OSTF1: variants seen among roughly 807,000 people sequenced by gnomAD.
OSTF1 encodes osteoclast stimulating factor 1.
In OSTF1, 27 loss-of-function variants were observed where a neutral mutation model predicts 37.2. That is an observed-to-expected ratio of 0.73 (90% CI 0.54 to 1.00). The LOEUF (loss-of-function observed/expected upper bound fraction) is 1.00. Ranked by LOEUF, OSTF1 falls within the 50% of genes least tolerant of loss-of-function variation. The pLI, the probability that OSTF1 is intolerant of heterozygous loss-of-function variation, is 0.00. For missense variants in OSTF1, 232 were observed against 253.8 expected (o/e 0.91, Z 0.58); for synonymous variants, 82 against 89.2 (o/e 0.92, Z 0.46).
Position 75,144,310 on chromosome 9 carries a change from C to T in OSTF1, c.587-2373C>T, listed in dbSNP as rs143746683. On this transcript the variant is annotated intron_variant, in intron 9 of 9. Transcript: ENST00000346234. ...GCGGCTCACACCTGTAATCCCAGCA[C>T]TTTGGGAGGCAGGGAGGATTGCTTG... Among the ~76,000 whole-genome samples, 398 of 152,188 alleles carry T rather than the reference C, an allele frequency of 2.6e-3. 2 individuals carry two copies. Among genetic ancestry groups the T allele is most frequent in the African/African-American group, 9.2e-3 (381 of 41,520 alleles).
At chr9:75,103,687 G>A (rs1193730282) in intron 1 of OSTF1, among the ~76,000 whole-genome samples, 1 of 152,182 alleles carries the variant, frequency 6.6e-6, no homozygotes, top group African/African-American at 2.4e-5. Flanking sequence ...AGGCTGGAGT[G>A]CAGTAGCACA....
At chr9:75,122,443 C>T (rs1825595393) in intron 2 of OSTF1, among the ~76,000 whole-genome samples, 1 of 152,222 alleles carries the variant, frequency 6.6e-6, no homozygotes, top group Non-Finnish European at 1.5e-5. Context: ...GTCAAGTATA[C>T]TTTGCAAGTA....
At chr9:75,145,591 T>C (rs1019849235) in intron 9 of OSTF1, among the ~76,000 whole-genome samples, 2 of 152,214 alleles carry the variant, frequency 1.3e-5, no homozygotes, top group African/African-American at 4.8e-5. Context: ...ATCAATTGTT[T>C]TGTTACGCAG....
chr9:75,135,453 T>G (rs1184177199), intron 7 of OSTF1, among the ~76,000 whole-genome samples: 1 of 57,480 alleles, frequency 1.7e-5, no homozygotes, highest in Non-Finnish European at 3.6e-5. Flanking sequence ...CCTGGAAAAT[T>G]ATCTTGTATT....
At chr9:75,104,202 G>A (rs1224660133) in intron 1 of OSTF1, among the ~76,000 whole-genome samples, 2 of 152,094 alleles carry the variant, frequency 1.3e-5, no homozygotes, top group Non-Finnish European at 2.9e-5. Context: ...TGTGATTGTG[G>A]CATTGCACTC....
At chr9:75,093,980 G>T (rs1176597753) in intron 1 of OSTF1, among the ~76,000 whole-genome samples, 5 of 152,158 alleles carry the variant, frequency 3.3e-5, no homozygotes. Context: ...TTCCTATCAG[G>T]TGGGTGGGTC....
At chr9:75,118,142 G>A (rs1666267448) in intron 2 of OSTF1, among the ~76,000 whole-genome samples, 2 of 152,192 alleles carry the variant, frequency 1.3e-5, no homozygotes, top group Non-Finnish European at 2.9e-5. Context: ...GAATGTGACT[G>A]TCAGGGGCTA....
chr9:75,098,216 A>C (rs1047541866), intron 1 of OSTF1, among the ~76,000 whole-genome samples: 2 of 151,928 alleles, frequency 1.3e-5, no homozygotes, highest in African/African-American at 4.8e-5. Context: ...CCACTTCCCA[A>C]CTCCCAGCTA....
chr9:75,140,890 A>G lies in OSTF1; in HGVS notation c.544A>G (p.Asn182Asp), dbSNP rs756730952. 1.2e-6 allele frequency: 2 copies of G among 1,613,780 alleles called. No individual in the cohort carries two copies. Among genetic ancestry groups the G allele is most frequent in the African/African-American group, 1.3e-5 (1 of 74,934 alleles). The change falls in exon 9 of 10, where the codon AAT (asparagine) becomes GAT (aspartate). Residue 182 changes from asparagine (N) to aspartate (D), a missense_variant. By Grantham distance (23) the Asn-to-Asp change is conservative. Transcript: ENST00000346234. ...EKKLAFDMAT[N>D]AACASLLKKK... is the part of the protein sequence containing the mutation. ...GAAGCTGGCCTTCGACATGGCTACC[A>G]ATGCTGCCTGTGCATCTCTCCTGAA...
intron 2 of OSTF1, among the ~76,000 whole-genome samples, chr9:75,125,915 A>T (rs1417418731): frequency 6.6e-6 from 1 of 152,106 alleles, no homozygotes; most frequent in African/African-American, 2.4e-5. Context: ...TTCATTTTTT[A>T]AAAAAATTTT....
intron 1 of OSTF1, among the ~76,000 whole-genome samples, chr9:75,098,044 GAC>G (rs1825119760): frequency 6.6e-6 from 1 of 151,938 alleles, no homozygotes; most frequent in African/African-American, 2.4e-5. Context: ...TTTTTGTAGA[GAC>G]ACAGTTTTAC....
chr9:75,143,875 A>G (rs1356899202), intron 9 of OSTF1, among the ~76,000 whole-genome samples: 1 of 152,222 alleles, frequency 6.6e-6, no homozygotes, highest in Non-Finnish European at 1.5e-5. Flanking sequence ...AGTTCATGAA[A>G]GGAAAGAAGG....
At chr9:75,117,298 G>C (rs555656039) in intron 1 of OSTF1, among the ~76,000 whole-genome samples, 17 of 152,150 alleles carry the variant, frequency 1.1e-4, no homozygotes, top group Non-Finnish European at 2.1e-4. Context: ...GAACTTATTC[G>C]TCCTATCTAG....
intron 2 of OSTF1, among the ~76,000 whole-genome samples, chr9:75,122,587 T>C (rs982654389): frequency 6.6e-6 from 1 of 152,234 alleles, no homozygotes; most frequent in African/African-American, 2.4e-5. Context: ...AATGGCTGTG[T>C]GTGATGCCTT....
chr9:75,145,161 ACCT>A (rs1312833783), intron 9 of OSTF1, among the ~76,000 whole-genome samples: 10 of 61,012 alleles, frequency 1.6e-4, no homozygotes, highest in Non-Finnish European at 3.3e-4. Context: ...CTATCTATCT[ACCT>A]ATCTATCTAT....
intron 1 of OSTF1, among the ~76,000 whole-genome samples, chr9:75,093,052 CTTTCTT>C (rs1336149868): frequency 1.5e-5 from 1 of 67,128 alleles, no homozygotes; most frequent in African/African-American, 6.6e-5. Flanking sequence ...CTCTCTCTCT[CTTTCTT>C]TCTTTCTTTT....
intron 1 of OSTF1, among the ~76,000 whole-genome samples, chr9:75,111,720 G>A (rs10869504): frequency 0.22 from 33,194 of 148,858 alleles, 3,708 homozygotes; most frequent in Admixed American, 0.24. Flanking sequence ...CCCGAGGAAA[G>A]CATCTAACTT....
At chr9:75,143,416 T>G (rs1328222888) in intron 9 of OSTF1, among the ~76,000 whole-genome samples, 1 of 152,204 alleles carries the variant, frequency 6.6e-6, no homozygotes, top group African/African-American at 2.4e-5. Context: ...TGATTAATTT[T>G]TTTTACACCT....
intron 9 of OSTF1, among the ~76,000 whole-genome samples, chr9:75,146,460 C>T (rs1160328768): frequency 1.3e-5 from 2 of 152,104 alleles, no homozygotes; most frequent in Admixed American, 1.3e-4. Flanking sequence ...CACCTAGGAC[C>T]AAAACTTCTG....
Sources: allele counts gnomAD v4.1 joint callset (sites outside exome capture counted in the v4.1 genomes callset), GRCh38; gene constraint gnomAD v4.1.1; transcripts MANE v1.5; gene names NCBI Gene and HGNC (gene_info 2026-07-23, HGNC 2026-07-21).